Variants in ETV1 observed in about 807,000 individuals in gnomAD.
ETV1 encodes the protein ETS translocation variant 1.
ETV1 carries 27 observed loss-of-function variants against 62.3 expected under a neutral mutation model. That is an observed-to-expected ratio of 0.43 (90% CI 0.32 to 0.60). The LOEUF (loss-of-function observed/expected upper bound fraction) is 0.60. Ranked by LOEUF, ETV1 falls within the 20% of genes least tolerant of loss-of-function variation. The pLI is 0.06. For missense variants in ETV1, 605 were observed against 605.8 expected, an observed-to-expected ratio of 1.00 and a Z score of 0.01; for synonymous variants, 222 against 199.6, an observed-to-expected ratio of 1.11 and a Z score of -0.94.
intron 6 of ETV1, among the ~76,000 whole-genome samples, chr7:13,947,966 G>T (rs1301542560): frequency 1.3e-5 from 2 of 152,132 alleles, no homozygotes; most frequent in Non-Finnish European, 2.9e-5. Flanking sequence ...ACTAATTCAC[G>T]TGTGTCAGAT....
In ETV1 at chr7:13,893,148, G is replaced by C. The variant is rs1020155050; in HGVS notation, c.*2718C>G. 1.3e-5 allele frequency: 3 copies of C among 232,406 alleles called. No individual in the cohort carries two copies. The highest frequency in any genetic ancestry group is 2.5e-5 in the Non-Finnish European group (3 of 117,692). 14.4% of individuals were successfully genotyped at this position (232,406 alleles called of 1,614,324 possible). ...CAATTAATCTATTGGGTATTAACAT[G>C]TCATCATCAAGAGACAGCAAACAGC... On this transcript the variant is annotated 3_prime_UTR_variant, in exon 14 of 14. Coordinates refer to ENST00000430479, the MANE Select transcript of ETV1 (RefSeq NM_004956.5).
At chr7:13,931,421 A>T in intron 9 of ETV1, 81 bp downstream of exon 9, 1 of 1,501,536 alleles carries the variant, frequency 6.7e-7, no homozygotes, top group Non-Finnish European at 9.2e-7. Flanking sequence ...GGAGCTACCT[A>T]GTCTGATACC....
intron 9 of ETV1, among the ~76,000 whole-genome samples, chr7:13,914,393 C>T (rs1783914392): frequency 6.6e-6 from 1 of 152,040 alleles, no homozygotes; most frequent in Non-Finnish European, 1.5e-5. Context: ...AGAAATTAAA[C>T]TGCCTATAAT....
At chr7:13,961,224 G>C (rs578068899) in intron 6 of ETV1, among the ~76,000 whole-genome samples, 11 of 152,180 alleles carry the variant, frequency 7.2e-5, no homozygotes, top group African/African-American at 2.4e-4. Flanking sequence ...GAAATACTTT[G>C]GGTCAAATAC....
intron 6 of ETV1, among the ~76,000 whole-genome samples, chr7:13,970,939 G>T (rs1420101615): frequency 1.3e-5 from 2 of 151,436 alleles, no homozygotes; most frequent in Non-Finnish European, 2.9e-5. Context: ...AAAAAAAAAA[G>T]TCAAATGCTA....
chr7:13,946,617 A>C lies in ETV1; in HGVS notation c.236-7371T>G, dbSNP rs182403882. On this transcript the variant is annotated intron_variant, in intron 6 of 13. Transcript: ENST00000430479. ...TTTAGAAAGAGGGCACAATCTTGTC[A>C]TTATTATTCTACCAGAGGATAGAAA... Among the ~76,000 whole-genome samples, 442 of 152,292 alleles carry C rather than the reference A, an allele frequency of 2.9e-3. 3 individuals carry two copies. The highest frequency in any genetic ancestry group is 4.4e-3 in the Non-Finnish European group (296 of 68,026).
Position 13,893,870 on chromosome 7 carries a change from A to G in ETV1, c.*1996T>C, listed in dbSNP as rs1333902704. On this transcript the variant is annotated 3_prime_UTR_variant, in exon 14 of 14. Coordinates refer to ENST00000430479, the MANE Select transcript of ETV1 (RefSeq NM_004956.5). ...TTTTTAAGGCATAGTTTTCTTTTTT[A>G]GGCCCAAAATGGGCCAAAATAATAC... The G allele has an allele frequency of 4.3e-6, 1 of 233,078 alleles. No individual in the cohort carries two copies. The highest frequency in any genetic ancestry group is 8.5e-6 in the Non-Finnish European group (1 of 117,780). 14.4% of individuals were successfully genotyped at this position (233,078 alleles called of 1,614,324 possible). A position where few individuals can be genotyped will look rare whatever the true frequency, so the allele number is the denominator to read the frequency against.
At chr7:13,930,591 G>A (rs546318100) in intron 9 of ETV1, among the ~76,000 whole-genome samples, 1 of 151,998 alleles carries the variant, frequency 6.6e-6, no homozygotes, top group Non-Finnish European at 1.5e-5. Context: ...AAAGTGCTGG[G>A]ATTACAGGCG....
intron 9 of ETV1, among the ~76,000 whole-genome samples, chr7:13,921,002 A>T (rs1412798111): frequency 6.6e-6 from 1 of 152,246 alleles, no homozygotes; most frequent in African/African-American, 2.4e-5. Flanking sequence ...CTAGTCCACA[A>T]ATCACTGGAT....
At chr7:13,938,331 G>T (rs1351593314) in intron 7 of ETV1, among the ~76,000 whole-genome samples, 1 of 152,170 alleles carries the variant, frequency 6.6e-6, no homozygotes, top group African/African-American at 2.4e-5. Context: ...ACCCCTTTGG[G>T]TCATAATGTA....
intron 9 of ETV1, among the ~76,000 whole-genome samples, chr7:13,919,169 A>G (rs999734759): frequency 1.3e-5 from 2 of 152,180 alleles, no homozygotes; most frequent in Admixed American, 6.5e-5. Context: ...ACCCGTTACA[A>G]AAACACTAAA....
At chr7:13,967,501 A>G (rs1780424204) in intron 6 of ETV1, among the ~76,000 whole-genome samples, 1 of 152,130 alleles carries the variant, frequency 6.6e-6, no homozygotes, top group African/African-American at 2.4e-5. Context: ...ATTGCCAATA[A>G]TGGAGTTCTT....
At chr7:13,905,630 T>C (rs556203564) in intron 12 of ETV1, among the ~76,000 whole-genome samples, 35 of 152,318 alleles carry the variant, frequency 2.3e-4, no homozygotes, top group African/African-American at 8.2e-4. Flanking sequence ...TTCATGGAAA[T>C]ACTCCATTTG....
chr7:13,920,046 T>C (rs1178034819), intron 9 of ETV1, among the ~76,000 whole-genome samples: 1 of 152,164 alleles, frequency 6.6e-6, no homozygotes, highest in East Asian at 1.9e-4. Context: ...GGTTGTTTTA[T>C]TAAAAAAGAA....
chr7:13,895,885 T>C lies in ETV1; in HGVS notation c.1415A>G (p.Asn472Ser), dbSNP rs1175100756. ...EGGCCNPHPY[N>S]EGYVY ...CTTGTGTTAATACACGTAGCCTTCG[T>C]TGTAGGGGTGGGGGTTGCAGCAGCC... The change falls in exon 14 of 14, where the codon AAC becomes AGC. Residue 472 changes from asparagine (N) to serine (S), a missense_variant. Physicochemically the swap from Asn to Ser is conservative, Grantham distance 46. Transcript: ENST00000430479. 1.9e-6 allele frequency: 3 copies of C among 1,613,474 alleles called. No individual in the cohort carries two copies. Among genetic ancestry groups the C allele is most frequent in the Non-Finnish European group, 2.5e-6 (3 of 1,179,704 alleles).
At chr7:13,920,461 T>TGC (rs1359203589) in intron 9 of ETV1, among the ~76,000 whole-genome samples, 1 of 151,918 alleles carries the variant, frequency 6.6e-6, no homozygotes, top group Admixed American at 6.6e-5. Flanking sequence ...TGTGTGTGTG[T>TGC]GTGTGTGTTT....
intron 9 of ETV1, among the ~76,000 whole-genome samples, chr7:13,916,515 G>A (rs1784182519): frequency 6.6e-6 from 1 of 152,058 alleles, no homozygotes; most frequent in South Asian, 2.1e-4. Context: ...GCGCGTGCCT[G>A]TCATCCCAGC....
chr7:13,953,995 C>T (rs1037554405), intron 6 of ETV1, among the ~76,000 whole-genome samples: 3 of 152,134 alleles, frequency 2.0e-5, no homozygotes, highest in Non-Finnish European at 2.9e-5. Context: ...TAAGATTTTA[C>T]ATTAGTTATT....
rs761586548 is a variant in ETV1, at chr7:13,988,106, T to C, written c.113A>G (p.Asp38Gly). 41 of 1,611,706 alleles carry C rather than the reference T, an allele frequency of 2.5e-5. No homozygotes were observed. The East Asian group carries it at 8.5e-4, about 33-fold the overall frequency. ...NVRKRKFINR[D>G]LAHDSEELFQ... ...CTCACCTTCTGAATCATGAGCCAGA[T>C]CTCTGTTAATGAATTTTCTTTTCCT... The change falls in exon 4 of 14, where the codon GAT becomes GGT. Residue 38 changes from aspartate (D) to glycine (G), a missense_variant. Asp to Gly is a moderately conservative substitution (Grantham distance 94). Around this residue, in one of 3 missense-constraint regions of ETV1, gnomAD observed 426 missense variants for 377.8 expected, o/e 1.13. Coordinates refer to ENST00000430479, the MANE Select transcript of ETV1 (RefSeq NM_004956.5).
Sources: gnomAD v4.1 joint callset for allele counts (sites outside exome capture counted in the v4.1 genomes callset) on GRCh38, gnomAD v4.1.1 for gene constraint, gnomAD v4.1.1 regional missense constraint, MANE v1.5 for transcripts, NCBI Gene and HGNC (gene_info 2026-07-23, HGNC 2026-07-21) for gene names.